E2F7: variants seen among roughly 807,000 people sequenced by gnomAD.
The protein encoded by E2F7 is transcription factor E2F7.
A neutral mutation model predicts 81.1 loss-of-function variants in E2F7; 35 were observed. The ratio of observed to expected loss-of-function variants is 0.43; its 90% CI spans 0.33 to 0.57. E2F7 has a LOEUF of 0.57. Ranked by LOEUF, E2F7 falls within the 20% of genes least tolerant of loss-of-function variation. E2F7 has a pLI of 0.04. For synonymous variants in E2F7, 416 were observed against 416.2 expected, an observed-to-expected ratio of 1.00 and a Z score of 0.01; for missense variants, 961 against 1,093.7, an observed-to-expected ratio of 0.88 and a Z score of 1.71.
In E2F7 at chr12:77,025,732, G is replaced by A. The variant is rs1954752221; in HGVS notation, c.2391C>T (p.Gly797=). The A allele has an allele frequency of 1.2e-6, 2 of 1,614,160 alleles. No homozygotes were observed. Among genetic ancestry groups the A allele is most frequent in the Non-Finnish European group, 1.7e-6 (2 of 1,180,040 alleles). ...GLGSIAQLLV[G]PTAVVNPKSS... ...ACTTTGGATTAACCACAGCTGTGGG[G>A]CCGACGAGAAGCTGGGCTATTGATC... is the stretch of plus-strand genomic sequence containing the variant. The change falls in exon 12 of 13, where the codon GGC becomes GGT. Residue 797 remains glycine (G), a synonymous_variant. Coordinates refer to ENST00000322886, the MANE Select transcript of E2F7 (RefSeq NM_203394.3).
Position 77,030,197 on chromosome 12 carries a change from C to G in E2F7, c.1518G>C (p.Gln506His). Residue 506 changes from glutamine to histidine, a missense_variant, in exon 10 of 13, where the codon CAG becomes CAC. Gln to His is a conservative substitution (Grantham distance 24). This residue lies in a region of E2F7 where 587 missense variants were observed against 620.3 expected (regional missense o/e 0.95). Transcript: ENST00000322886. ...PLAHPVFSVA[Q>H]TDLQAFSMQN... ...GCATGGAGAATGCCTGCAGGTCCGT[C>G]TGAGCAACAGAAAATACTGGGTGGG... 1 of 1,614,150 alleles carries G rather than the reference C, an allele frequency of 6.2e-7. No individual in the cohort carries two copies. Among genetic ancestry groups the G allele is most frequent in the Non-Finnish European group, 8.5e-7 (1 of 1,180,016 alleles).
At chr12:77,056,419 A>T (rs1955033064) in intron 2 of E2F7, among the ~76,000 whole-genome samples, 2 of 152,216 alleles carry the variant, frequency 1.3e-5, no homozygotes, top group Non-Finnish European at 2.9e-5. Context: ...ACAGATGAGG[A>T]CTATGAGGGC....
intron 3 of E2F7, 91 bp downstream of exon 3, chr12:77,055,764 G>A: frequency 2.1e-6 from 3 of 1,449,548 alleles, no homozygotes; most frequent in South Asian, 3.0e-5. Context: ...GGCTCAATAG[G>A]AGCTGAAAAG....
chr12:77,021,843 A>C lies in E2F7; in HGVS notation c.*2172T>G, dbSNP rs943276716. The C allele has an allele frequency of 1.3e-5, 2 of 152,334 alleles. No individual in the cohort carries two copies. Among genetic ancestry groups the C allele is most frequent in the South Asian group, 4.1e-4 (2 of 4,824 alleles). 9.4% of individuals were successfully genotyped at this position (152,334 alleles called of 1,614,324 possible). On this transcript the variant is annotated 3_prime_UTR_variant, in exon 13 of 13. Transcript: ENST00000322886. ...TGTAAGATTTATTTTCCTGACAGAAACAACCACTGCATTATTATTTTTACA... is the reference window on the plus strand; with the variant it reads ...TGTAAGATTTATTTTCCTGACAGAACCAACCACTGCATTATTATTTTTACA...
rs1954797981 is a variant in E2F7 at position 77,030,474 on chromosome 12, T to C, written c.1383-142A>G. The C allele has an allele frequency of 5.7e-6, 6 of 1,059,872 alleles. No homozygotes were observed. In the East Asian group the frequency reaches 1.5e-4, roughly 27 times the overall value. The allele number at this position is 1,059,872 out of a possible 1,614,324, so 65.7% of individuals were successfully genotyped here. ...GAAAGCGCACTTGCTGAGCACGTGTTAGCTCATCCCAGAGTTAGACGCCCA... is the reference window on the plus strand; with the variant it reads ...GAAAGCGCACTTGCTGAGCACGTGTCAGCTCATCCCAGAGTTAGACGCCCA... On this transcript the variant is annotated intron_variant, in intron 9 of 12. Coordinates refer to ENST00000322886, the MANE Select transcript of E2F7 (RefSeq NM_203394.3).
intron 2 of E2F7, among the ~76,000 whole-genome samples, chr12:77,062,661 G>C (rs1955087411): frequency 2.6e-5 from 4 of 152,166 alleles, no homozygotes; most frequent in Admixed American, 2.6e-4. Context: ...GCTGATGCTA[G>C]AGGAGAAGGG....
intron 2 of E2F7, among the ~76,000 whole-genome samples, chr12:77,059,904 A>C (rs1955064547): frequency 1.4e-5 from 2 of 145,104 alleles, no homozygotes; most frequent in South Asian, 4.6e-4. Context: ...CAGAGCTTGC[A>C]GTGAGCTGAG....
chr12:77,041,317 G>C lies in E2F7; in HGVS notation c.1123+1748C>G, dbSNP rs556863093. Among the ~76,000 whole-genome samples the C allele has an allele frequency of 2.6e-5, 4 of 152,192 alleles. No individual in the cohort carries two copies. In the East Asian group the frequency reaches 5.8e-4, roughly 22 times the overall value. On this transcript the variant is annotated intron_variant, in intron 7 of 12. Coordinates refer to ENST00000322886, the MANE Select transcript of E2F7 (RefSeq NM_203394.3). ...AGTGATTCTCCTGTCTCAGTCTCCTGAGTAGCTGGGATTACAGGTGCATGC... is the reference window on the plus strand; with the variant it reads ...AGTGATTCTCCTGTCTCAGTCTCCTCAGTAGCTGGGATTACAGGTGCATGC...
rs911767445 is a variant in E2F7, at chr12:77,021,411, A to G, written c.*2604T>C. On this transcript the variant is annotated 3_prime_UTR_variant, in exon 13 of 13. Transcript: ENST00000322886. ...AGGAAAAAGAGCAGAGCTAAATAAT[A>G]AGAAAACAAAAGCAGTAAGCAGCAA... 2 of 152,680 alleles carry G rather than the reference A, an allele frequency of 1.3e-5. No homozygotes were observed. The highest frequency in any genetic ancestry group is 4.8e-5 in the African/African-American group (2 of 41,468). The allele number at this position is 152,680 out of a possible 1,614,324, so 9.5% of individuals were successfully genotyped here. A position where few individuals can be genotyped will look rare whatever the true frequency, so the allele number is the denominator to read the frequency against.
chr12:77,033,776 C>T (rs1382022405), intron 8 of E2F7, 81 bp downstream of exon 8: 15 of 1,361,930 alleles, frequency 1.1e-5, no homozygotes, highest in African/African-American at 1.5e-5. Flanking sequence ...TTTTAAAACG[C>T]CAGCACGTGG....
chr12:77,064,486 G>T, intron 2 of E2F7, 57 bp downstream of exon 2: 1 of 1,386,446 alleles, frequency 7.2e-7, no homozygotes, highest in Non-Finnish European at 1.0e-6. Flanking sequence ...ACACTTAATT[G>T]AATTCAACAT....
intron 4 of E2F7, among the ~76,000 whole-genome samples, chr12:77,048,469 C>T (rs936712516): frequency 6.6e-6 from 1 of 152,176 alleles, no homozygotes; most frequent in African/African-American, 2.4e-5. Flanking sequence ...ACTTCCAGTT[C>T]TCTAAACTGT....
At chr12:77,038,163 T>C (rs1462109814) in intron 7 of E2F7, among the ~76,000 whole-genome samples, 4 of 152,142 alleles carry the variant, frequency 2.6e-5, no homozygotes, top group African/African-American at 4.8e-5. Context: ...CACAAAACTT[T>C]AAAGAACTGC....
chr12:77,041,001 A>G (rs763248609), intron 7 of E2F7, among the ~76,000 whole-genome samples: 8 of 152,224 alleles, frequency 5.3e-5, no homozygotes, highest in Admixed American at 5.2e-4. Flanking sequence ...ACTTGATGTT[A>G]TCAGTAATGA....
Position 77,059,062 on chromosome 12 carries a change from CT to C in E2F7, c.94-2933del, listed in dbSNP as rs150342341. On this transcript the variant is annotated intron_variant, in intron 2 of 12. Coordinates refer to ENST00000322886, the MANE Select transcript of E2F7 (RefSeq NM_203394.3). ...GCTGGGTGGACAGAGATTTACATGC[CT>C]TCTCCATTGCTTCCAAAAGAGTTAC... Among the ~76,000 whole-genome samples the C allele has an allele frequency of 7.2e-3, 1,100 of 152,264 alleles. 13 individuals carry two copies. Among genetic ancestry groups the C allele is most frequent in the African/African-American group, 0.026 (1,065 of 41,524 alleles).
chr12:77,060,579 A>G (rs1955069747), intron 2 of E2F7, among the ~76,000 whole-genome samples: 1 of 151,556 alleles, frequency 6.6e-6, no homozygotes. Flanking sequence ...TCTCATGCAC[A>G]TCCCACATTC....
Position 77,023,840 on chromosome 12 carries a change from G to T in E2F7, c.*175C>A. 2 of 760,444 alleles carry T rather than the reference G, an allele frequency of 2.6e-6. No individual in the cohort carries two copies. The highest frequency in any genetic ancestry group is 4.1e-6 in the Non-Finnish European group (2 of 489,458). 47.1% of individuals were successfully genotyped at this position (760,444 alleles called of 1,614,324 possible). A position where few individuals can be genotyped will look rare whatever the true frequency, so the allele number is the denominator to read the frequency against. ...GTCGGAACTCTAACTGGTATTAAAT[G>T]CACAATTAATTACTTTCAGGAAATC... is the stretch of plus-strand genomic sequence containing the variant. On this transcript the variant is annotated 3_prime_UTR_variant, in exon 13 of 13. Transcript: ENST00000322886.
At chr12:77,048,495 G>C (rs1954961273) in intron 4 of E2F7, among the ~76,000 whole-genome samples, 1 of 152,116 alleles carries the variant, frequency 6.6e-6, no homozygotes, top group Non-Finnish European at 1.5e-5. Flanking sequence ...ATGATATCCA[G>C]TGTTAAATCT....
At chr12:77,059,354 G>C (rs539281740) in intron 2 of E2F7, among the ~76,000 whole-genome samples, 1 of 152,298 alleles carries the variant, frequency 6.6e-6, no homozygotes, top group Admixed American at 6.5e-5. Context: ...TGTGGAAAGG[G>C]CACTGCAATG....
Sources: gnomAD v4.1 joint callset for allele counts (sites outside exome capture counted in the v4.1 genomes callset) on GRCh38, gnomAD v4.1.1 for gene constraint, gnomAD v4.1.1 regional missense constraint, MANE v1.5 for transcripts, NCBI Gene and HGNC (gene_info 2026-07-23, HGNC 2026-07-21) for gene names.